Variants in MEIOB observed in about 807,000 individuals in gnomAD.
MEIOB encodes the protein meiosis-specific with OB domain-containing protein.
Under a neutral mutation model 53.1 loss-of-function variants are expected in MEIOB, and 50 were observed. That is an observed-to-expected ratio of 0.94 (90% CI 0.75 to 1.19). The LOEUF (loss-of-function observed/expected upper bound fraction) is 1.19. Among genes scored for constraint, MEIOB ranks in the 50% most tolerant of loss-of-function variants. The pLI, the probability that MEIOB is intolerant of heterozygous loss-of-function variation, is 0.00. For synonymous variants in MEIOB, 192 were observed against 182.5 expected (o/e 1.05, Z -0.42); for missense variants, 551 against 550.8 (o/e 1.00, Z 0.00).
At chr16:1,846,259 C>T (rs911115292) in intron 9 of MEIOB, among the ~76,000 whole-genome samples, 1 of 152,144 alleles carries the variant, frequency 6.6e-6, no homozygotes, top group African/African-American at 2.4e-5. Context: ...CCACAGAAAT[C>T]CAGCCAATGA....
At chr16:1,846,791 G>A (rs1217162623) in intron 9 of MEIOB, among the ~76,000 whole-genome samples, 1 of 152,136 alleles carries the variant, frequency 6.6e-6, no homozygotes, top group Non-Finnish European at 1.5e-5. Context: ...CACACACTGG[G>A]GCCTGTTGGG....
At chr16:1,843,249 C>T (rs905449915) in intron 10 of MEIOB, among the ~76,000 whole-genome samples, 2 of 151,096 alleles carry the variant, frequency 1.3e-5, no homozygotes, top group East Asian at 2.0e-4. Context: ...GCCGAGATCG[C>T]GCCACTGCAC....
Position 1,853,091 on chromosome 16 carries a change from C to T in MEIOB, c.726G>A (p.Arg242=), listed in dbSNP as rs777310422. The T allele has an allele frequency of 1.6e-5, 25 of 1,612,796 alleles. No individual in the cohort carries two copies. The highest frequency in any genetic ancestry group is 5.0e-5 in the Admixed American group (3 of 59,938). ...AGATTACAGTTGCTGTCATGCAGTTCCGAAATTTGTCAAAATTTATTCTTA... is the reference window on the plus strand; with the variant it reads ...AGATTACAGTTGCTGTCATGCAGTTTCGAAATTTGTCAAAATTTATTCTTA... The part of the protein sequence containing the change: ...SDVRINFDKF[R]NCMTATVISK... The change falls in exon 9 of 14, where the codon CGG becomes CGA. Residue 242 remains arginine, a synonymous_variant. Coordinates refer to ENST00000325962, the MANE Select transcript of MEIOB (RefSeq NM_001163560.3).
At chr16:1,843,709 AAAAG>A in intron 10 of MEIOB, among the ~76,000 whole-genome samples, 1 of 152,240 alleles carries the variant, frequency 6.6e-6, no homozygotes, top group South Asian at 2.1e-4. Flanking sequence ...AAAAAAAAAA[AAAAG>A]AGAATTCCAC....
intron 9 of MEIOB, among the ~76,000 whole-genome samples, chr16:1,846,314 T>C (rs1218994472): frequency 2.0e-5 from 3 of 152,132 alleles, no homozygotes; most frequent in Non-Finnish European, 2.9e-5. Context: ...GTACCAGCAC[T>C]GCAGGTCCTC....
rs59561016 is a variant in MEIOB, at chr16:1,861,535, CTT to C, written c.259+448_259+449del. On this transcript the variant is annotated intron_variant, in intron 4 of 13. Transcript: ENST00000325962. ...CATTCTGAATGCCTCGCATTGCAGT[CTT>C]TTTTTTTTTTTTTTTTTTTTTTTGA... Among the ~76,000 whole-genome samples the C allele has an allele frequency of 1.6e-3, 146 of 89,098 alleles. 1 individual carries two copies. In the South Asian group the frequency reaches 0.035, roughly 21 times the overall value. The allele number at this position is 89,098 out of a possible 152,430, so 58.5% of individuals were successfully genotyped here. A position where few individuals can be genotyped will look rare whatever the true frequency, so the allele number is the denominator to read the frequency against.
intron 11 of MEIOB, chr16:1,841,118 G>T (rs533814273): frequency 6.8e-6 from 1 of 147,072 alleles, no homozygotes; most frequent in Non-Finnish European, 1.5e-5. Flanking sequence ...CTGGGTTCAA[G>T]CAATTCTCAT....
intron 9 of MEIOB, among the ~76,000 whole-genome samples, chr16:1,852,616 C>T (rs764044328): frequency 5.4e-5 from 8 of 148,524 alleles, no homozygotes; most frequent in East Asian, 2.0e-4. Context: ...AGTACAATGG[C>T]GCGATTTCAG....
chr16:1,849,553 A>AAAAAAAAAAAC (rs1567275996), intron 9 of MEIOB, among the ~76,000 whole-genome samples: 10 of 150,984 alleles, frequency 6.6e-5, no homozygotes, highest in African/African-American at 1.9e-4. Context: ...CTCAAAAAAA[A>AAAAAAAAAAAC]AAAACACCTA....
rs775319534 is a variant in MEIOB, at chr16:1,839,385, T to C, written c.1088A>G (p.Asn363Ser). Residue 363 changes from asparagine to serine, a missense_variant, in exon 12 of 14, where the codon AAC (asparagine) becomes AGC (serine). Transcript: ENST00000325962. The stretch of plus-strand genomic sequence containing the variant: ...AGATTTAAAGTCCAAGGAGTTTTTG[T>C]TGCAAGTTGTGCACATGTTAGATGC... ...NEASNMCTTC[N>S]KNSLDFKSVF... The C allele has an allele frequency of 6.2e-6, 10 of 1,614,030 alleles. No homozygotes were observed. The South Asian group carries it at 1.1e-4, about 18-fold the overall frequency.
At chr16:1,869,363 G>T (rs1482970593) in intron 1 of MEIOB, among the ~76,000 whole-genome samples, 1 of 151,954 alleles carries the variant, frequency 6.6e-6, no homozygotes, top group Non-Finnish European at 1.5e-5. Context: ...GATCTCAAGT[G>T]ATCCGGCCGC....
intron 12 of MEIOB, among the ~76,000 whole-genome samples, chr16:1,838,752 C>T (rs962405809): frequency 3.3e-5 from 5 of 152,018 alleles, no homozygotes; most frequent in African/African-American, 7.2e-5. Context: ...AGTGCAGTGG[C>T]GTGATCTTGG....
chr16:1,845,945 G>C (rs1034374581), intron 9 of MEIOB, among the ~76,000 whole-genome samples: 1 of 152,034 alleles, frequency 6.6e-6, no homozygotes, highest in Non-Finnish European at 1.5e-5. Flanking sequence ...GGAAGATCTG[G>C]GCATTTCTTC....
intron 12 of MEIOB, 129 bp downstream of exon 12, chr16:1,839,126 G>T: frequency 9.0e-7 from 1 of 1,107,676 alleles, no homozygotes; most frequent in South Asian, 1.8e-5. Context: ...AAAGCAAGAT[G>T]ATTTTTTCCC....
rs753219968 is a variant in MEIOB at position 1,868,088 on chromosome 16, C to T, written c.69+19G>A. On this transcript the variant is annotated intron_variant, in intron 2 of 13. Coordinates refer to ENST00000325962, the MANE Select transcript of MEIOB (RefSeq NM_001163560.3). ...TAAAATGTCATCAGTAAGCAAATCA[C>T]CACATTATTGAAACCTACCAGATTA... 7.5e-7 allele frequency: 1 copy of T among 1,341,984 alleles called. No individual in the cohort carries two copies. Among genetic ancestry groups the T allele is most frequent in the South Asian group, 1.3e-5 (1 of 75,692 alleles). 83.1% of individuals were successfully genotyped at this position (1,341,984 alleles called of 1,614,324 possible).
rs1899693296 is a variant in MEIOB at position 1,869,831 on chromosome 16, C to A, written c.-9-1647G>T. On this transcript the variant is annotated intron_variant, in intron 1 of 13. Transcript: ENST00000325962. ...ATACAGCAAAAATCTACGTAAACAC[C>A]TCATATTGAGCATTTGATTATACTG... Among the ~76,000 whole-genome samples the A allele has an allele frequency of 6.6e-5, 10 of 151,454 alleles. No individual in the cohort carries two copies. The Admixed American group carries it at 6.6e-4, about 10-fold the overall frequency.
At chr16:1,847,254 G>T (rs186944926) in intron 9 of MEIOB, among the ~76,000 whole-genome samples, 233 of 152,012 alleles carry the variant, frequency 1.5e-3, no homozygotes, top group African/African-American at 5.2e-3. Context: ...CTGAGGTCAG[G>T]AGTTCAAGAC....
In MEIOB at chr16:1,868,123, G is replaced by A. The variant is rs1221800379; in HGVS notation, c.53C>T (p.Thr18Ile). 6.5e-7 allele frequency: 1 copy of A among 1,527,824 alleles called. No homozygotes were observed. Among genetic ancestry groups the A allele is most frequent in the Non-Finnish European group, 8.9e-7 (1 of 1,128,822 alleles). The allele number at this position is 1,527,824 out of a possible 1,614,324, so 94.6% of individuals were successfully genotyped here. ...RIFTTLSDLQ[T>I]NMANLKVIGI... ...GAAACCTACCAGATTAGCCATATTT[G>A]TCTGCAGATCTGAAAGGGTAGTGAA... is the stretch of plus-strand genomic sequence containing the variant. The change falls in exon 2 of 14, where the codon ACA (threonine) becomes ATA (isoleucine). Residue 18 changes from threonine to isoleucine, a missense_variant. Thr to Ile is a moderately conservative substitution (Grantham distance 89, BLOSUM62 -1). Transcript: ENST00000325962.
chr16:1,842,380 C>T (rs975785588), intron 10 of MEIOB, among the ~76,000 whole-genome samples: 4 of 148,490 alleles, frequency 2.7e-5, no homozygotes, highest in Non-Finnish European at 5.9e-5. Context: ...TTTGGGAGGT[C>T]GAGGTGGGCA....
Sources: allele counts gnomAD v4.1 joint callset (sites outside exome capture counted in the v4.1 genomes callset), GRCh38; gene constraint gnomAD v4.1.1; transcripts MANE v1.5; gene names NCBI Gene and HGNC (gene_info 2026-07-23, HGNC 2026-07-21).